The following LARGE1 variants were observed in gnomAD, a reference collection of about 807,000 sequenced individuals.
LARGE1 encodes the protein xylosyl- and glucuronyltransferase LARGE1.
Under a neutral mutation model 87.6 loss-of-function variants are expected in LARGE1, and 43 were observed. The ratio of observed to expected loss-of-function variants is 0.49; its 90% CI spans 0.38 to 0.63. The LOEUF is 0.63. Ranked by LOEUF, LARGE1 falls within the 30% of genes least tolerant of loss-of-function variation. The pLI is 0.00. For missense variants in LARGE1, 802 were observed against 1,000.2 expected, an observed-to-expected ratio of 0.80 and a Z score of 2.67; for synonymous variants, 434 against 394.6, an observed-to-expected ratio of 1.10 and a Z score of -1.18.
At chr22:33,435,178 T>A (rs2067223020) in intron 6 of LARGE1, among the ~76,000 whole-genome samples, 1 of 152,144 alleles carries the variant, frequency 6.6e-6, no homozygotes, top group African/African-American at 2.4e-5. Flanking sequence ...ATTTTTGTAT[T>A]TTTAGCAGAG....
chr22:33,852,391 C>G (rs1382656861), intron 1 of LARGE1, among the ~76,000 whole-genome samples: 2 of 151,990 alleles, frequency 1.3e-5, no homozygotes, highest in African/African-American at 4.8e-5. Context: ...TTAACAAAGC[C>G]TCCTGAGCAT....
chr22:33,190,943 C>A (rs1268062805), intron 11 of LARGE1, among the ~76,000 whole-genome samples: 1 of 152,172 alleles, frequency 6.6e-6, no homozygotes, highest in Non-Finnish European at 1.5e-5. Flanking sequence ...CTCCTCTGCA[C>A]CCTGGTAATA....
intron 1 of LARGE1, among the ~76,000 whole-genome samples, chr22:33,789,919 T>C (rs543068280): frequency 1.5e-4 from 23 of 152,256 alleles, no homozygotes; most frequent in African/African-American, 5.1e-4. Flanking sequence ...CTGTGGACTT[T>C]TGAGTTAATG....
At chr22:33,352,307 A>C (rs564119783) in intron 9 of LARGE1, among the ~76,000 whole-genome samples, 2 of 152,326 alleles carry the variant, frequency 1.3e-5, no homozygotes, top group East Asian at 3.9e-4. Flanking sequence ...GTCACGAAAA[A>C]CCAGGAAAGA....
At chr22:33,192,901 C>T (rs1357994265) in intron 11 of LARGE1, among the ~76,000 whole-genome samples, 1 of 152,170 alleles carries the variant, frequency 6.6e-6, no homozygotes, top group Non-Finnish European at 1.5e-5. Flanking sequence ...TCAGTTTTCC[C>T]AACACCATTT....
chr22:33,104,889 CTCTTTCTTTCTTTCTT>C, the LARGE1 span, among the ~76,000 whole-genome samples: 1,261 of 89,182 alleles, frequency 0.014, 12 homozygotes, highest in African/African-American at 0.015. Context: ...GACTTTCTCT[CTCTTTCTTTCTTTCTT>C]TCTTTCTTTC....
intron 1 of LARGE1, among the ~76,000 whole-genome samples, chr22:33,814,570 G>T (rs2086594543): frequency 6.6e-6 from 1 of 152,152 alleles, no homozygotes; most frequent in Non-Finnish European, 1.5e-5. Context: ...GCCTTAAGAG[G>T]AAAAACTGAG....
intron 9 of LARGE1, among the ~76,000 whole-genome samples, chr22:33,348,105 T>G (rs547897018): frequency 6.6e-6 from 1 of 152,212 alleles, no homozygotes; most frequent in East Asian, 1.9e-4. Context: ...GGGCAGGTCC[T>G]CCTGGCTAGA....
intron 1 of LARGE1, among the ~76,000 whole-genome samples, chr22:33,912,069 G>A (rs369398869): frequency 7.9e-5 from 12 of 152,258 alleles, no homozygotes; most frequent in South Asian, 4.1e-4. Flanking sequence ...AAGCCCCACC[G>A]GCCTATGGGC....
intron 11 of LARGE1, among the ~76,000 whole-genome samples, chr22:33,213,338 C>T (rs1242890621): frequency 1.3e-5 from 2 of 152,120 alleles, no homozygotes; most frequent in African/African-American, 2.4e-5. Flanking sequence ...AAAATGACAA[C>T]GAGGTATTTA....
At chr22:33,475,434 A>G (rs1300604950) in intron 6 of LARGE1, among the ~76,000 whole-genome samples, 2 of 136,726 alleles carry the variant, frequency 1.5e-5, no homozygotes, top group East Asian at 2.1e-4. Flanking sequence ...ATATTTATTT[A>G]TTTATTTATT....
In LARGE1 at chr22:33,265,111, G is replaced by T. The variant is rs147160454; in HGVS notation, c.1730+39118C>A. On this transcript the variant is annotated intron_variant, in intron 11 of 11. Coordinates refer to the LARGE1 transcript ENST00000608642. ...GAGATGGGGTGATTTCACCATGTTGGTCAGGCTGTTCTCAAACTCCTGACC... is the reference window on the plus strand; with the variant it reads ...GAGATGGGGTGATTTCACCATGTTGTTCAGGCTGTTCTCAAACTCCTGACC... Among the ~76,000 whole-genome samples the T allele has an allele frequency of 4.6e-3, 700 of 151,616 alleles. 8 individuals are homozygous for T. The highest frequency in any genetic ancestry group is 0.016 in the African/African-American group (673 of 41,346).
At chr22:33,224,782 G>T (rs541633714) in intron 11 of LARGE1, among the ~76,000 whole-genome samples, 1 of 152,358 alleles carries the variant, frequency 6.6e-6, no homozygotes, top group South Asian at 2.1e-4. Context: ...CTGGTGTCTA[G>T]AAGAACAAGG....
exon 12 of LARGE1, chr22:33,164,142 C>T (rs1922140306): frequency 6.6e-6 from 1 of 152,186 alleles, no homozygotes; most frequent in Non-Finnish European, 1.5e-5. Flanking sequence ...TTGCTGCCCC[C>T]TAACAGTGCT....
At chr22:33,566,271 T>C (rs1295215068) in intron 5 of LARGE1, among the ~76,000 whole-genome samples, 6 of 152,226 alleles carry the variant, frequency 3.9e-5, no homozygotes, top group Non-Finnish European at 8.8e-5. Context: ...TAGCATACTA[T>C]GTAATTGTTT....
At chr22:33,279,046 CCCACACTTCCTGG>C (rs1340820165) in intron 13 of LARGE1, among the ~76,000 whole-genome samples, 1 of 152,100 alleles carries the variant, frequency 6.6e-6, no homozygotes, top group Non-Finnish European at 1.5e-5. Flanking sequence ...GTCCCTGTCC[CCCACACTTCCTGG>C]CCTGTTGAAC....
intron 7 of LARGE1, among the ~76,000 whole-genome samples, chr22:33,431,875 C>A (rs1209053925): frequency 6.6e-6 from 1 of 152,140 alleles, no homozygotes; most frequent in African/African-American, 2.4e-5. Context: ...AGCCAGGGAA[C>A]CTATGGGTCA....
At chr22:33,410,777 C>T (rs986747828) in intron 7 of LARGE1, among the ~76,000 whole-genome samples, 10 of 152,144 alleles carry the variant, frequency 6.6e-5, no homozygotes, top group South Asian at 2.1e-4. Flanking sequence ...AAGCACTGGG[C>T]TCTGACATTT....
At chr22:33,844,723 T>C (rs939768925) in intron 1 of LARGE1, among the ~76,000 whole-genome samples, 2 of 139,424 alleles carry the variant, frequency 1.4e-5, no homozygotes, top group Non-Finnish European at 3.1e-5. Flanking sequence ...GTTTCCAAAC[T>C]TTTTTTTTTT....
Sources: gnomAD v4.1 joint callset for allele counts (sites outside exome capture counted in the v4.1 genomes callset) on GRCh38, gnomAD v4.1.1 for gene constraint, MANE v1.5 for transcripts, NCBI Gene and HGNC (gene_info 2026-07-23, HGNC 2026-07-21) for gene names.